COG3: variants seen among roughly 807,000 people sequenced by gnomAD.
The protein encoded by COG3 is component of oligomeric golgi complex 3, also known as conserved oligomeric Golgi complex subunit 3.
COG3 carries 32 observed loss-of-function variants against 114.1 expected under a neutral mutation model. That is an observed-to-expected ratio of 0.28 (90% confidence interval 0.21 to 0.38). COG3 has a LOEUF of 0.38. Among genes scored for constraint, COG3 ranks in the 10% least tolerant of loss-of-function variants. The pLI is 1.00. For missense variants in COG3, 813 were observed against 973.2 expected, an observed-to-expected ratio of 0.84 and a Z score of 2.19; for synonymous variants, 352 against 365.7, an observed-to-expected ratio of 0.96 and a Z score of 0.43.
chr13:45,493,609 G>T, intron 12 of COG3, 123 bp downstream of exon 12: 1 of 764,764 alleles, frequency 1.3e-6, no homozygotes, highest in South Asian at 2.4e-5. Flanking sequence ...AGCTTGGCTT[G>T]ATGCCTTACC....
chr13:45,499,811 C>G (rs1370323307), intron 13 of COG3, among the ~76,000 whole-genome samples: 1 of 152,032 alleles, frequency 6.6e-6, no homozygotes, highest in Non-Finnish European at 1.5e-5. Context: ...CACTTGAGCC[C>G]AGTAGTTCAA....
chr13:45,486,652 G>A, intron 8 of COG3, 77 bp downstream of exon 8: 1 of 868,660 alleles, frequency 1.2e-6, no homozygotes, highest in Non-Finnish European at 2.0e-6. Context: ...TGTATGTTAG[G>A]CTCTTTGTTT....
At chr13:45,512,628 T>C (rs2985974) in intron 16 of COG3, among the ~76,000 whole-genome samples, 108,740 of 150,906 alleles carry the variant, frequency 0.72, 40,808 homozygotes, top group Admixed American at 0.82. Flanking sequence ...CCACTGTGCC[T>C]GGCCTTTTTT....
At chr13:45,520,737 G>A (rs1872045565) in intron 19 of COG3, among the ~76,000 whole-genome samples, 1 of 152,140 alleles carries the variant, frequency 6.6e-6, no homozygotes, top group African/African-American at 2.4e-5. Flanking sequence ...TAAAAAAGGA[G>A]GGGGATAGAA....
rs528932952 is a variant in COG3, at chr13:45,500,416, A to G, written c.1489-2828A>G. Among the ~76,000 whole-genome samples, 19 of 152,294 alleles carry G rather than the reference A, an allele frequency of 1.2e-4. No homozygotes were observed. In the South Asian group the frequency reaches 3.5e-3, roughly 28 times the overall value. On this transcript the variant is annotated intron_variant, in intron 13 of 22. Coordinates refer to ENST00000349995, the MANE Select transcript of COG3 (RefSeq NM_031431.4). Reference sequence around the variant, plus strand: ...CTAAGTGTATCCTGTATTCATCAGCATATCTTTTGTCACAAAGTGCCAATC... The same window carrying G: ...CTAAGTGTATCCTGTATTCATCAGCGTATCTTTTGTCACAAAGTGCCAATC...
At chr13:45,533,524 G>A (rs1288398766) in intron 22 of COG3, among the ~76,000 whole-genome samples, 1 of 152,166 alleles carries the variant, frequency 6.6e-6, no homozygotes, top group Non-Finnish European at 1.5e-5. Flanking sequence ...ACTTCAGAGT[G>A]TATTCCTGAG....
At chr13:45,476,082 T>C in intron 1 of COG3, 119 bp from the exon 2 acceptor site, 4 of 878,054 alleles carry the variant, frequency 4.6e-6, no homozygotes, top group Non-Finnish European at 7.2e-6. Flanking sequence ...TAACTTAATG[T>C]GATTTAATGG....
chr13:45,519,245 T>G (rs919670777), intron 19 of COG3, 151 bp downstream of exon 19: 2 of 909,002 alleles, frequency 2.2e-6, no homozygotes, highest in Non-Finnish European at 1.6e-6. Flanking sequence ...TTTCCTATTA[T>G]GGAAGCTTTC....
intron 16 of COG3, among the ~76,000 whole-genome samples, chr13:45,514,232 C>T (rs1871292306): frequency 7.1e-6 from 1 of 141,058 alleles, no homozygotes; most frequent in Non-Finnish European, 1.5e-5. Flanking sequence ...GCTATCTCAG[C>T]TCACTGCAAC....
chr13:45,474,612 T>C (rs965970835), intron 1 of COG3, among the ~76,000 whole-genome samples: 1 of 152,200 alleles, frequency 6.6e-6, no homozygotes, highest in Non-Finnish European at 1.5e-5. Context: ...CTAGGCTGCA[T>C]TGTAATGTAC....
chr13:45,490,965 A>G lies in COG3; in HGVS notation c.968+7A>G. On this transcript the variant is annotated splice_region_variant and intron_variant, in intron 9 of 22. Coordinates refer to ENST00000349995, the MANE Select transcript of COG3 (RefSeq NM_031431.4). ...GGTCTGAAAAAATACCTGAGTGAGT[A>G]CCTAGAAGTTAATCTGATTTCCACA... The G allele has an allele frequency of 6.4e-7, 1 of 1,570,372 alleles. No individual in the cohort carries two copies. Among genetic ancestry groups the G allele is most frequent in the East Asian group, 2.2e-5 (1 of 44,456 alleles).
intron 1 of COG3, 189 bp downstream of exon 1, chr13:45,465,399 A>C: frequency 1.0e-6 from 1 of 983,592 alleles, no homozygotes; most frequent in Non-Finnish European, 1.4e-6. Flanking sequence ...TGCGACCCCG[A>C]CTCTAATTCT....
Position 45,480,211 on chromosome 13 carries a change from C to G in COG3, c.470C>G (p.Ser157Cys). The change falls in exon 4 of 23, where the codon TCT (serine) becomes TGT (cysteine). Residue 157 changes from serine (S) to cysteine (C), a missense_variant. By Grantham distance (112) the Ser-to-Cys change is moderately radical. Around this residue, in one of 2 missense-constraint regions of COG3, gnomAD observed 424 missense variants for 430.6 expected, o/e 0.98. Transcript: ENST00000349995. ...AACAGTGCTCTTCAGCATCTGGAGT[C>G]TTTGCAGAAACAGTATCTTTTTGTG... ...DVNSALQHLE[S>C]LQKQYLFVSN... 1.2e-6 allele frequency: 2 copies of G among 1,613,596 alleles called. No homozygotes were observed. The highest frequency in any genetic ancestry group is 4.5e-5 in the East Asian group (2 of 44,856).
chr13:45,531,097 A>G (rs1873129679), intron 22 of COG3: 1 of 990,484 alleles, frequency 1.0e-6, no homozygotes, highest in East Asian at 9.4e-5. Flanking sequence ...TTTGTTTGAA[A>G]TATGCATAAT....
intron 15 of COG3, 82 bp downstream of exon 15, chr13:45,509,898 T>C: frequency 7.6e-7 from 1 of 1,322,802 alleles, no homozygotes; most frequent in Non-Finnish European, 1.0e-6. Flanking sequence ...TGATAAAGTA[T>C]TTTGTTGGAT....
At position 45,535,430 on chromosome 13, in the gene COG3, C is replaced by T. The variant is rs568159299; in HGVS notation, c.*699C>T. 101 of 985,320 alleles carry T rather than the reference C, an allele frequency of 1.0e-4. No individual in the cohort carries two copies. Among genetic ancestry groups the T allele is most frequent in the Middle Eastern group, 1.0e-3 (2 of 1,912 alleles). 61.0% of individuals were successfully genotyped at this position (985,320 alleles called of 1,614,324 possible). A position where few individuals can be genotyped will look rare whatever the true frequency, so the allele number is the denominator to read the frequency against. ...AGCTGCAGCATTCTCATCATAGATA[C>T]GTGCAGTATCTTTAATGAGTATCTT... On this transcript the variant is annotated 3_prime_UTR_variant, in exon 23 of 23. Transcript: ENST00000349995.
chr13:45,471,784 G>A (rs1885505428), intron 1 of COG3, among the ~76,000 whole-genome samples: 1 of 151,790 alleles, frequency 6.6e-6, no homozygotes, highest in African/African-American at 2.4e-5. Context: ...CCAGGCTGGA[G>A]TGCAATGGCG....
intron 15 of COG3, among the ~76,000 whole-genome samples, chr13:45,511,353 A>G (rs1870841998): frequency 6.6e-6 from 1 of 152,172 alleles, no homozygotes; most frequent in Non-Finnish European, 1.5e-5. Context: ...ATGATTTCCT[A>G]AAATACAATT....
intron 1 of COG3, among the ~76,000 whole-genome samples, chr13:45,469,325 T>A (rs1885332724): frequency 1.3e-5 from 2 of 152,198 alleles, no homozygotes; most frequent in South Asian, 4.1e-4. Context: ...GAAGATAAAC[T>A]TTTTTTGGTT....
Sources: allele counts gnomAD v4.1 joint callset (sites outside exome capture counted in the v4.1 genomes callset), GRCh38; gene constraint gnomAD v4.1.1; regional missense constraint gnomAD v4.1.1; transcripts MANE v1.5; gene names NCBI Gene and HGNC (gene_info 2026-07-23, HGNC 2026-07-21).